MECOM: variants seen among roughly 807,000 people sequenced by gnomAD.
MECOM encodes MDS1 and EVI1 complex locus.
Under a neutral mutation model 116.3 loss-of-function variants are expected in MECOM, and 13 were observed. The observed-to-expected ratio is 0.11, with a 90% CI of 0.07 to 0.18. The LOEUF (loss-of-function observed/expected upper bound fraction) is 0.18, where lower values mean the gene tolerates loss of function less well. Among genes scored for constraint, MECOM ranks in the 10% least tolerant of loss-of-function variants. The probability of loss-of-function intolerance (pLI) is 1.00; values close to 1 mark genes in which losing one functional copy is unlikely to be tolerated. For missense variants in MECOM, 1,299 were observed against 1,509.0 expected (o/e 0.86, Z 2.31); for synonymous variants, 528 against 535.2 (o/e 0.99, Z 0.19).
At chr3:169,375,352 T>C (rs921932794) in intron 2 of MECOM, among the ~76,000 whole-genome samples, 3 of 150,984 alleles carry the variant, frequency 2.0e-5, no homozygotes, top group Non-Finnish European at 3.0e-5. Flanking sequence ...GATAGAAATA[T>C]GAAAAATCCT....
chr3:169,335,631 C>T (rs1443131835), intron 2 of MECOM, among the ~76,000 whole-genome samples: 5 of 152,072 alleles, frequency 3.3e-5, no homozygotes, highest in African/African-American at 1.2e-4. Flanking sequence ...GACTTCAGAA[C>T]CCCACAGTTG....
intron 1 of MECOM, among the ~76,000 whole-genome samples, chr3:169,650,895 A>G (rs1774817034): frequency 6.6e-6 from 1 of 152,210 alleles, no homozygotes; most frequent in Non-Finnish European, 1.5e-5. Flanking sequence ...TGTTAGATCT[A>G]AACAATAGAG....
chr3:169,308,665 T>C (rs775206943), intron 2 of MECOM, among the ~76,000 whole-genome samples: 4 of 152,232 alleles, frequency 2.6e-5, no homozygotes, highest in Non-Finnish European at 5.9e-5. Flanking sequence ...CTCTTGCACA[T>C]GCTATTATTT....
At chr3:169,134,152 T>C (rs1242083208) in intron 3 of MECOM, among the ~76,000 whole-genome samples, 1 of 152,248 alleles carries the variant, frequency 6.6e-6, no homozygotes, top group African/African-American at 2.4e-5. Flanking sequence ...TGTAGTCCAC[T>C]ATTAATCATG....
intron 2 of MECOM, among the ~76,000 whole-genome samples, chr3:169,348,236 A>G (rs530173388): frequency 6.6e-6 from 1 of 152,222 alleles, no homozygotes; most frequent in East Asian, 1.9e-4. Context: ...GATGAGGTGA[A>G]TGCCCTTAGA....
At chr3:169,293,230 C>T (rs1419253655) in intron 2 of MECOM, among the ~76,000 whole-genome samples, 2 of 152,132 alleles carry the variant, frequency 1.3e-5, no homozygotes, top group African/African-American at 4.8e-5. Flanking sequence ...AGAGTAGGTT[C>T]CTAACTCACC....
chr3:169,649,332 C>G (rs1774576945), intron 1 of MECOM, among the ~76,000 whole-genome samples: 1 of 135,688 alleles, frequency 7.4e-6, no homozygotes, highest in Non-Finnish European at 1.5e-5. Context: ...TCGCTTGAAC[C>G]CAGGAGGCGG....
chr3:169,127,741 C>T, intron 5 of MECOM, 103 bp downstream of exon 5: 1 of 876,240 alleles, frequency 1.1e-6, no homozygotes, highest in Non-Finnish European at 1.9e-6. Context: ...ATTTGTCCAG[C>T]TCACTGGAGT....
intron 1 of MECOM, among the ~76,000 whole-genome samples, chr3:169,476,674 T>G (rs979330299): frequency 1.3e-5 from 2 of 152,016 alleles, no homozygotes; most frequent in African/African-American, 4.8e-5. Context: ...GTAATCTTTT[T>G]TTTCTCCCCC....
rs545738162 is a variant in MECOM, at chr3:169,447,781, C to A, written c.38-66257G>T. ...GCTCAAATTTGAAATACATCTCGAA[C>A]AAGGATTTGGCCATGCCAAGACAGT... On this transcript the variant is annotated intron_variant, in intron 1 of 16. Coordinates refer to ENST00000651503, the MANE Select transcript of MECOM (RefSeq NM_004991.4). 4 of 152,288 alleles carry A rather than the reference C, an allele frequency of 2.6e-5. No homozygotes were observed. The East Asian group carries it at 7.7e-4, about 29-fold the overall frequency. The allele number at this position is 152,288 out of a possible 1,614,324, so 9.4% of individuals were successfully genotyped here. A position where few individuals can be genotyped will look rare whatever the true frequency, so the allele number is the denominator to read the frequency against.
rs894651380 is a variant in MECOM at position 169,380,621 on chromosome 3, A to C, written c.375+566T>G. On this transcript the variant is annotated intron_variant, in intron 2 of 16. Coordinates refer to ENST00000651503, the MANE Select transcript of MECOM (RefSeq NM_004991.4). ...ACAAATTACTCATTAAATCATTTGA[A>C]TATAAAGAACCATAACCTAATTCAG... Among the ~76,000 whole-genome samples the C allele has an allele frequency of 9.8e-5, 15 of 152,298 alleles. No individual in the cohort carries two copies. The East Asian group carries it at 2.5e-3, about 25-fold the overall frequency.
At chr3:169,597,963 CA>C (rs1767334789) in intron 1 of MECOM, among the ~76,000 whole-genome samples, 1 of 152,134 alleles carries the variant, frequency 6.6e-6, no homozygotes, top group African/African-American at 2.4e-5. Flanking sequence ...GGCTGTAAAT[CA>C]AGTAAACACA....
At chr3:169,111,431 T>C (rs1217938880) in intron 9 of MECOM, among the ~76,000 whole-genome samples, 4 of 152,188 alleles carry the variant, frequency 2.6e-5, no homozygotes. Context: ...AGAGATGTAC[T>C]TTTTGTACAA....
At chr3:169,613,543 G>C (rs1335259481) in intron 1 of MECOM, 1 of 152,152 alleles carries the variant, frequency 6.6e-6, no homozygotes, top group East Asian at 1.9e-4. Flanking sequence ...TGGCTTTGGA[G>C]CAAGGACACT....
intron 1 of MECOM, among the ~76,000 whole-genome samples, chr3:169,575,526 G>T (rs1194112080): frequency 6.6e-6 from 1 of 152,184 alleles, no homozygotes; most frequent in East Asian, 1.9e-4. Context: ...GCTAATCAGG[G>T]CTGAGCCAAA....
chr3:169,181,011 A>G (rs947811321), intron 2 of MECOM, among the ~76,000 whole-genome samples: 2 of 151,996 alleles, frequency 1.3e-5, no homozygotes, highest in Non-Finnish European at 2.9e-5. Context: ...CTGAGCTCTT[A>G]CTATGTGTGA....
At chr3:169,095,351 T>A in intron 12 of MECOM, 106 bp from the exon 13 acceptor site, 1 of 895,174 alleles carries the variant, frequency 1.1e-6, no homozygotes, top group Non-Finnish European at 1.6e-6. Flanking sequence ...AACAACATTT[T>A]AAAGAAAAGG....
At chr3:169,157,083 C>T (rs775714393) in intron 2 of MECOM, among the ~76,000 whole-genome samples, 3 of 152,224 alleles carry the variant, frequency 2.0e-5, no homozygotes, top group East Asian at 1.9e-4. Context: ...TTCATAGGAG[C>T]GACCACACAG....
At chr3:169,653,354 G>C (rs1390275817) in intron 1 of MECOM, among the ~76,000 whole-genome samples, 1 of 152,106 alleles carries the variant, frequency 6.6e-6, no homozygotes, top group Non-Finnish European at 1.5e-5. Context: ...GAGTTTTACA[G>C]TTTACCTAGA....
Sources: allele counts gnomAD v4.1 joint callset (sites outside exome capture counted in the v4.1 genomes callset), GRCh38; gene constraint gnomAD v4.1.1; transcripts MANE v1.5; gene names NCBI Gene and HGNC (gene_info 2026-07-23, HGNC 2026-07-21).